ERMARD: variants seen among roughly 807,000 people sequenced by gnomAD.
ERMARD encodes the protein ER membrane associated RNA degradation.
ERMARD carries 71 observed loss-of-function variants against 83.9 expected under a neutral mutation model. The ratio of observed to expected loss-of-function variants is 0.85; its 90% CI spans 0.70 to 1.03. The LOEUF (loss-of-function observed/expected upper bound fraction) is 1.03. Among genes scored for constraint, ERMARD ranks in the 50% least tolerant of loss-of-function variants. The pLI is 0.00. For missense variants in ERMARD, 838 were observed against 810.9 expected (o/e 1.03, Z -0.41); for synonymous variants, 284 against 298.6 (o/e 0.95, Z 0.50).
chr6:169,776,418 A>T, intron 15 of ERMARD, 37 bp from the exon 16 acceptor site: 4 of 1,599,560 alleles, frequency 2.5e-6, no homozygotes, highest in Non-Finnish European at 3.4e-6. Flanking sequence ...CCAGGTGAGG[A>T]TCATGATGCC....
chr6:169,757,583 A>G (rs1376068682), intron 5 of ERMARD, among the ~76,000 whole-genome samples: 1 of 152,240 alleles, frequency 6.6e-6, no homozygotes, highest in Non-Finnish European at 1.5e-5. Flanking sequence ...TTACTATACT[A>G]TATTAAAATC....
chr6:169,761,673 G>GATTTTGTTTT (rs143167276), intron 8 of ERMARD, among the ~76,000 whole-genome samples: 12 of 151,188 alleles, frequency 7.9e-5, no homozygotes, highest in Non-Finnish European at 1.5e-5. Context: ...ATGTGTAAGT[G>GATTTTGTTTT]GTTTTGTTTT....
In ERMARD at chr6:169,773,420, T is replaced by TCCGGGAC. The variant is rs1297846542; in HGVS notation, c.1317+20_1317+21insGGGACCC. 6.2e-7 allele frequency: 1 copy of TCCGGGAC among 1,613,214 alleles called. No homozygotes were observed. The highest frequency in any genetic ancestry group is 1.3e-5 in the African/African-American group (1 of 74,920). On this transcript the variant is annotated intron_variant, in intron 13 of 17. Transcript: ENST00000366773. Reference sequence around the variant, plus strand: ...AAAAACAGGTATGCCAAATGCAGGGTCCCGGGAGGGGCGTGTATGTCTCTG... The same window carrying TCCGGGAC: ...AAAAACAGGTATGCCAAATGCAGGGTCCGGGACCCCGGGAGGGGCGTGTATGTCTCTG...
Position 169,766,602 on chromosome 6 carries a change from T to G in ERMARD, c.961-36T>G, listed in dbSNP as rs75863442. 4 of 1,546,834 alleles carry G rather than the reference T, an allele frequency of 2.6e-6. No individual in the cohort carries two copies. In the East Asian group the frequency reaches 9.4e-5, roughly 36 times the overall value. Reference sequence around the variant, plus strand: ...AGTGTTAGTGTATTTGTATTTTGCTTTAATTGTTTATTTTCATTTCTTTCC... The same window carrying G: ...AGTGTTAGTGTATTTGTATTTTGCTGTAATTGTTTATTTTCATTTCTTTCC... On this transcript the variant is annotated intron_variant, in intron 9 of 17. Transcript: ENST00000366773.
Position 169,781,582 on chromosome 6 carries a change from C to A in ERMARD, c.*69C>A. On this transcript the variant is annotated 3_prime_UTR_variant, in exon 18 of 18. Transcript: ENST00000366773. ...AGCGTGTAAATTAAAAACCCAAAGACAGGGTGGAGTTGAGGGTCTGCTTGG... is the reference window on the plus strand; with the variant it reads ...AGCGTGTAAATTAAAAACCCAAAGAAAGGGTGGAGTTGAGGGTCTGCTTGG... 1 of 1,429,768 alleles carries A rather than the reference C, an allele frequency of 7.0e-7. No individual in the cohort carries two copies. The highest frequency in any genetic ancestry group is 9.4e-7 in the Non-Finnish European group (1 of 1,065,444). The allele number at this position is 1,429,768 out of a possible 1,614,324, so 88.6% of individuals were successfully genotyped here.
intron 8 of ERMARD, among the ~76,000 whole-genome samples, chr6:169,761,494 A>G (rs1299504576): frequency 1.3e-5 from 2 of 152,202 alleles, no homozygotes; most frequent in East Asian, 3.9e-4. Flanking sequence ...TGCTGGAATT[A>G]TAGGAGTGAG....
At chr6:169,775,438 TA>T in intron 14 of ERMARD, 92 bp downstream of exon 14, 2 of 1,415,144 alleles carry the variant, frequency 1.4e-6, no homozygotes, top group South Asian at 1.2e-5. Context: ...TGTGGGAAGA[TA>T]AAAGGGGAAG....
intron 12 of ERMARD, chr6:169,773,076 CAG>C (rs1218508935): frequency 4.8e-6 from 2 of 415,340 alleles, no homozygotes; most frequent in Non-Finnish European, 8.5e-6. Context: ...GTTTTGTGCA[CAG>C]AGGGTGGGTG....
At chr6:169,766,804 A>G in intron 10 of ERMARD, 137 bp downstream of exon 10, 1 of 915,662 alleles carries the variant, frequency 1.1e-6, no homozygotes, top group Non-Finnish European at 1.5e-6. Context: ...ATATAAACCA[A>G]AAAAAGCTGA....
At chr6:169,775,426 G>T in intron 14 of ERMARD, 80 bp downstream of exon 14, 1 of 1,485,182 alleles carries the variant, frequency 6.7e-7, no homozygotes, top group South Asian at 1.2e-5. Context: ...CTTTAACGAG[G>T]CTGTGGGAAG....
Position 169,781,342 on chromosome 6 carries a change from G to T in ERMARD, c.1866G>T (p.Ser622=). The T allele has an allele frequency of 6.3e-7, 1 of 1,598,368 alleles. No homozygotes were observed. The highest frequency in any genetic ancestry group is 1.2e-5 in the South Asian group (1 of 85,614). Residue 622 remains serine (S), a synonymous_variant, in exon 18 of 18, where the codon TCG becomes TCT. Coordinates refer to ENST00000366773, the MANE Select transcript of ERMARD (RefSeq NM_018341.3). ...TTTTTTTTTACAGGTTTGTAAAGTCGATCTTGCAGTACACGGAGAACCTGG... is the reference window on the plus strand; with the variant it reads ...TTTTTTTTTACAGGTTTGTAAAGTCTATCTTGCAGTACACGGAGAACCTGG... ...EYQQYLKFVK[S]ILQYTENLVA...
At chr6:169,760,612 T>C (rs1563015849) in intron 7 of ERMARD, 30 bp from the exon 8 acceptor site, 2 of 1,453,490 alleles carry the variant, frequency 1.4e-6, no homozygotes, top group Non-Finnish European at 1.9e-6. Context: ...ATCAGTATGA[T>C]TGTGTTTAAA....
At chr6:169,765,962 GCTGT>G (rs1212698952) in intron 9 of ERMARD, among the ~76,000 whole-genome samples, 1 of 93,238 alleles carries the variant, frequency 1.1e-5, no homozygotes, top group African/African-American at 5.3e-5. Context: ...ATTTCGTCAC[GCTGT>G]CTGTCAAATC....
chr6:169,774,164 T>C (rs1793308841), intron 13 of ERMARD, among the ~76,000 whole-genome samples: 2 of 152,042 alleles, frequency 1.3e-5, no homozygotes. Flanking sequence ...TGAAACCCCA[T>C]CTCTACTAAA....
At chr6:169,773,432 C>T (rs779288278) in intron 13 of ERMARD, 30 bp downstream of exon 13, 55 of 1,603,516 alleles carry the variant, frequency 3.4e-5, no homozygotes, top group Non-Finnish European at 4.4e-5. Flanking sequence ...CCGGGAGGGG[C>T]GTGTATGTCT....
At chr6:169,756,519 T>G (rs937217888) in intron 4 of ERMARD, 80 bp downstream of exon 4, 1 of 1,132,788 alleles carries the variant, frequency 8.8e-7, no homozygotes, top group South Asian at 1.4e-5. Context: ...TGTCCTCAGT[T>G]TTCTTGATTA....
At chr6:169,767,870 C>G in intron 10 of ERMARD, 1 of 551,894 alleles carries the variant, frequency 1.8e-6, no homozygotes, top group South Asian at 2.2e-5. Flanking sequence ...TTCATAGTCA[C>G]ATACACAAAC....
At chr6:169,778,952 G>C (rs1793898713) in intron 16 of ERMARD, among the ~76,000 whole-genome samples, 1 of 152,246 alleles carries the variant, frequency 6.6e-6, no homozygotes, top group African/African-American at 2.4e-5. Context: ...GTGACTCAGA[G>C]CAAGAAATGC....
rs570418535 is a variant in ERMARD at position 169,769,619 on chromosome 6, A to T, written c.1139A>T (p.His380Leu). Reference protein sequence around the residue: ...DHLSHGEINLHEFSKETTNQL... With the variant: ...DHLSHGEINLLEFSKETTNQL... The stretch of plus-strand genomic sequence containing the variant: ...TTAAGCCACGGGGAGATCAACTTAC[A>T]TGAATTTTCAAAAGAAACAACTAAT... Residue 380 changes from histidine to leucine, a missense_variant, in exon 12 of 18, where the codon CAT becomes CTT. Coordinates refer to ENST00000366773, the MANE Select transcript of ERMARD (RefSeq NM_018341.3). 1.2e-6 allele frequency: 2 copies of T among 1,613,510 alleles called. No homozygotes were observed. Among genetic ancestry groups the T allele is most frequent in the Admixed American group, 1.7e-5 (1 of 59,938 alleles).
Sources: gnomAD v4.1 joint callset for allele counts (sites outside exome capture counted in the v4.1 genomes callset) on GRCh38, gnomAD v4.1.1 for gene constraint, MANE v1.5 for transcripts, NCBI Gene and HGNC (gene_info 2026-07-23, HGNC 2026-07-21) for gene names.